ARID3C: variants seen among roughly 807,000 people sequenced by gnomAD.
The protein encoded by ARID3C is AT-rich interaction domain 3C, also known as AT-rich interactive domain-containing protein 3C.
In ARID3C, 42 loss-of-function variants were observed where a neutral mutation model predicts 37.9. The ratio of observed to expected loss-of-function variants is 1.11; its 90% CI spans 0.87 to 1.43. The LOEUF (loss-of-function observed/expected upper bound fraction) is 1.43. ARID3C is among the 40% of genes most tolerant of loss of function. The probability of loss-of-function intolerance (pLI) is 0.00; values close to 1 mark genes in which losing one functional copy is unlikely to be tolerated. For missense variants in ARID3C, 581 were observed against 548.8 expected (o/e 1.06, Z -0.59); for synonymous variants, 213 against 228.0 (o/e 0.93, Z 0.59).
chr9:34,631,411 A>C (rs1820722172), upstream of ARID3C, among the ~76,000 whole-genome samples: 1 of 152,214 alleles, frequency 6.6e-6, no homozygotes, highest in Non-Finnish European at 1.5e-5. Flanking sequence ...TGAAAAGGAA[A>C]GGCTGCCTCT....
upstream of ARID3C, among the ~76,000 whole-genome samples, chr9:34,628,616 G>T (rs1180372545): frequency 6.6e-6 from 1 of 152,300 alleles, no homozygotes; most frequent in East Asian, 1.9e-4. This position sits in a 1 kb window ranked among gnomAD's most constrained non-coding sequence, Gnocchi z 5.2. Flanking sequence ...GACGGACAGA[G>T]ACGGAGAGAC....
chr9:34,625,951 G>T, intron 1 of ARID3C, 137 bp from the exon 3 acceptor site: 1 of 971,572 alleles, frequency 1.0e-6, no homozygotes. Context: ...CCTGGGATTA[G>T]CATTAGGCTC....
intron 1 of ARID3C, among the ~76,000 whole-genome samples, chr9:34,627,020 G>T (rs1945189677): frequency 6.6e-6 from 1 of 152,154 alleles, no homozygotes; most frequent in Admixed American, 6.5e-5. Flanking sequence ...TCAGATTAAG[G>T]CCCTGTGAAT....
At chr9:34,622,652 G>T (rs1282229409) in intron 4 of ARID3C, 123 bp from the exon 6 acceptor site, 1 of 1,014,772 alleles carries the variant, frequency 9.9e-7, no homozygotes, top group Non-Finnish European at 1.4e-6. Flanking sequence ...TCCTTCATTC[G>T]ATCTATCTTC....
intron 1 of ARID3C, among the ~76,000 whole-genome samples, chr9:34,626,170 G>A (rs1347356814): frequency 6.6e-6 from 1 of 152,192 alleles, no homozygotes; most frequent in African/African-American, 2.4e-5. Flanking sequence ...AAGCTAGGCT[G>A]GGGTTGTATA....
exon 1 of ARID3C, chr9:34,627,838 A>T (rs1018032100): frequency 2.5e-6 from 4 of 1,608,444 alleles, no homozygotes; most frequent in South Asian, 1.1e-5. Flanking sequence ...GCTTCTCCTC[A>T]TCTTCTTCAG....
rs1437856734 is a variant in ARID3C, at chr9:34,624,014, T to C, written c.425A>G (p.Lys142Arg). The C allele has an allele frequency of 5.6e-6, 9 of 1,599,148 alleles. No homozygotes were observed. The East Asian group carries it at 9.0e-5, about 16-fold the overall frequency. ...CAGAGCGTACAGGTCGAGCACCTGC[T>C]TCGCCATGATGGGCACGCGGTTCAC... Residue 142 changes from lysine (K) to arginine (R), a missense_variant, in exon 3 of 7, where the codon AAG becomes AGG. Physicochemically the swap from Lys to Arg is conservative, Grantham distance 26. Transcript: ENST00000378909.
At chr9:34,623,987 A>C (rs1036557791) in exon 3 of ARID3C, 1 of 1,603,862 alleles carries the variant, frequency 6.2e-7, no homozygotes, top group African/African-American at 1.3e-5. Context: ...CACCAGGCGA[A>C]ACAGAGCGTA....
chr9:34,631,429 G>A (rs1040868486), upstream of ARID3C, among the ~76,000 whole-genome samples: 12 of 152,168 alleles, frequency 7.9e-5, no homozygotes, highest in African/African-American at 2.4e-4. Context: ...TCTCATACCC[G>A]CAGTCTGGTC....
intron 3 of ARID3C, 59 bp downstream of exon 4, chr9:34,623,805 C>A (rs925748238): frequency 4.2e-5 from 63 of 1,507,882 alleles, no homozygotes; most frequent in South Asian, 3.2e-4. Flanking sequence ...GACCCTCCCC[C>A]CTCCCGCCCC....
chr9:34,624,633 G>A (rs906250731), intron 2 of ARID3C, among the ~76,000 whole-genome samples: 1 of 152,204 alleles, frequency 6.6e-6, no homozygotes, highest in African/African-American at 2.4e-5. Context: ...CGCCGACTCC[G>A]CAGCCCGCGC....
intron 1 of ARID3C, 143 bp from the exon 3 acceptor site, chr9:34,625,957 G>T: frequency 2.2e-6 from 2 of 923,882 alleles, no homozygotes; most frequent in Non-Finnish European, 3.2e-6. Flanking sequence ...ATTAGCATTA[G>T]GCTCTCTCCG....
Position 34,622,639 on chromosome 9 carries a change from T to C in ARID3C, c.866-110A>G, listed in dbSNP as rs189141164. On this transcript the variant is annotated intron_variant, in intron 4 of 6. Transcript: ENST00000378909. ...TAACTCAAGCTCATGTACCAATCTC[T>C]CATCCTTCATTCGATCTATCTTCCC... 61 of 1,113,354 alleles carry C rather than the reference T, an allele frequency of 5.5e-5. No homozygotes were observed. The African/African-American group carries it at 7.7e-4, about 14-fold the overall frequency. 69.0% of individuals were successfully genotyped at this position (1,113,354 alleles called of 1,614,324 possible). A position where few individuals can be genotyped will look rare whatever the true frequency, so the allele number is the denominator to read the frequency against.
At chr9:34,628,854 C>CA (rs1820694197), upstream of ARID3C, among the ~76,000 whole-genome samples, 1 of 152,106 alleles carries the variant, frequency 6.6e-6, no homozygotes, top group Non-Finnish European at 1.5e-5. The surrounding 1 kb of genome is among the most constrained non-coding windows in gnomAD (Gnocchi z 5.2). Flanking sequence ...ACCGGACGGG[C>CA]AGGAGGCGGC....
chr9:34,623,746 G>A, intron 3 of ARID3C, 32 bp from the exon 5 acceptor site: 1 of 1,510,424 alleles, frequency 6.6e-7, no homozygotes, highest in Non-Finnish European at 8.8e-7. Context: ...TGAGTGTATG[G>A]GAGGCTGCAC....
intron 1 of ARID3C, among the ~76,000 whole-genome samples, chr9:34,627,161 G>A (rs1219139394): frequency 6.6e-6 from 1 of 152,226 alleles, no homozygotes; most frequent in Non-Finnish European, 1.5e-5. Context: ...GGTTAGGGAG[G>A]AGGTGACAGG....
exon 7 of ARID3C, chr9:34,621,411 C>A (rs1587212431): frequency 7.7e-7 from 1 of 1,291,318 alleles, no homozygotes; most frequent in East Asian, 2.8e-5. Flanking sequence ...GGGGTCTCCT[C>A]CCCCCTCAGC....
At chr9:34,624,623 C>G (rs1820630270) in intron 2 of ARID3C, among the ~76,000 whole-genome samples, 1 of 152,158 alleles carries the variant, frequency 6.6e-6, no homozygotes, top group Non-Finnish European at 1.5e-5. Context: ...CGCCTCGGCC[C>G]GCCGACTCCG....
At chr9:34,622,108 T>C (rs1419745051) in exon 6 of ARID3C, 1 of 1,613,936 alleles carries the variant, frequency 6.2e-7, no homozygotes, top group African/African-American at 1.3e-5. Flanking sequence ...CCAGCCGCTC[T>C]TCTGTCCAGG....
Sources: allele counts gnomAD v4.1 joint callset (sites outside exome capture counted in the v4.1 genomes callset), GRCh38; gene constraint gnomAD v4.1.1; non-coding constraint Gnocchi (gnomAD v3.1); transcripts MANE v1.5; gene names NCBI Gene and HGNC (gene_info 2026-07-23, HGNC 2026-07-21).